MRTFB: variants seen among roughly 807,000 people sequenced by gnomAD.
The protein encoded by MRTFB is myocardin related transcription factor B.
A neutral mutation model predicts 104.2 loss-of-function variants in MRTFB; 29 were observed. The observed-to-expected ratio is 0.28, with a 90% CI of 0.21 to 0.38. The LOEUF is 0.38. Ranked by LOEUF, MRTFB falls within the 10% of genes least tolerant of loss-of-function variation. MRTFB has a pLI of 1.00. For missense variants in MRTFB, 1,270 were observed against 1,341.6 expected (o/e 0.95, Z 0.83); for synonymous variants, 535 against 519.5 (o/e 1.03, Z -0.41).
At chr16:14,186,805 G>T in intron 3 of MRTFB, 1 of 1,564,050 alleles carries the variant, frequency 6.4e-7, no homozygotes, top group East Asian at 2.3e-5. Context: ...GGTATTGTGG[G>T]GAGCAACCAG....
chr16:14,159,462 G>T (rs2038948410), intron 3 of MRTFB, among the ~76,000 whole-genome samples: 1 of 151,942 alleles, frequency 6.6e-6, no homozygotes, highest in African/African-American at 2.4e-5. Flanking sequence ...GATTATTATG[G>T]GAATTTATAT....
intron 2 of MRTFB, among the ~76,000 whole-genome samples, chr16:14,113,259 G>A (rs369875856): frequency 1.4e-4 from 22 of 152,320 alleles, no homozygotes; most frequent in African/African-American, 4.1e-4. Flanking sequence ...GGCCAGGCTG[G>A]TCTCAAACTC....
At chr16:14,196,964 C>CTTTTTT (rs35259229) in intron 3 of MRTFB, among the ~76,000 whole-genome samples, 175 of 103,130 alleles carry the variant, frequency 1.7e-3, no homozygotes, top group Middle Eastern at 7.2e-3. Context: ...TCTCTTTTTT[C>CTTTTTT]TTTTTTTTTT....
chr16:14,059,029 A>G, the MRTFB span, among the ~76,000 whole-genome samples: 1 of 151,852 alleles, frequency 6.6e-6, no homozygotes, highest in Non-Finnish European at 1.5e-5. Context: ...CCAAAGTAAT[A>G]CATATTTAAT....
chr16:14,030,028 C>T, the MRTFB span, among the ~76,000 whole-genome samples: 1 of 151,884 alleles, frequency 6.6e-6, no homozygotes, highest in Non-Finnish European at 1.5e-5. Flanking sequence ...TGAGAGCTGC[C>T]TGTGATCAGC....
the MRTFB span, among the ~76,000 whole-genome samples, chr16:14,023,663 G>A: frequency 7.3e-6 from 1 of 136,836 alleles, no homozygotes; most frequent in Non-Finnish European, 1.5e-5. Flanking sequence ...ATTTATGTGT[G>A]TGTGTGTGTG....
intron 3 of MRTFB, among the ~76,000 whole-genome samples, chr16:14,197,904 T>C (rs2040510734): frequency 6.6e-6 from 1 of 152,222 alleles, no homozygotes; most frequent in African/African-American, 2.4e-5. Context: ...AGTTTCATAA[T>C]GTCTGTTCTG....
At chr16:14,019,482 T>C in the MRTFB span, 2 of 152,204 alleles carry the variant, frequency 1.3e-5, no homozygotes, top group African/African-American at 4.8e-5. Context: ...CCAAGTCAGG[T>C]TGACACATAA....
At chr16:14,060,962 C>T in the MRTFB span, among the ~76,000 whole-genome samples, 21 of 152,024 alleles carry the variant, frequency 1.4e-4, no homozygotes, top group Non-Finnish European at 8.8e-5. Flanking sequence ...CTGGCTAACA[C>T]AGTGAAACCC....
At chr16:14,030,314 C>T in the MRTFB span, among the ~76,000 whole-genome samples, 1 of 152,204 alleles carries the variant, frequency 6.6e-6, no homozygotes, top group East Asian at 1.9e-4. Flanking sequence ...TGACTCCCGG[C>T]TCAGTGCTCT....
At chr16:14,154,712 A>T (rs2038764258) in intron 3 of MRTFB, among the ~76,000 whole-genome samples, 1 of 152,176 alleles carries the variant, frequency 6.6e-6, no homozygotes, top group African/African-American at 2.4e-5. Flanking sequence ...CCAGAGTTTC[A>T]TCTGAAGGTT....
At position 14,251,916 on chromosome 16, in the gene MRTFB, G is replaced by A. The variant is rs1031195761; in HGVS notation, c.2458G>A (p.Ala820Thr). 2.5e-6 allele frequency: 4 copies of A among 1,614,120 alleles called. No homozygotes were observed. Among genetic ancestry groups the A allele is most frequent in the South Asian group, 1.1e-5 (1 of 91,076 alleles). The change falls in exon 14 of 17, where the codon GCC becomes ACC. Residue 820 changes from alanine to threonine, a missense_variant. Ala to Thr is a moderately conservative substitution (Grantham distance 58). Around this residue, in one of 3 missense-constraint regions of MRTFB, gnomAD observed 1,144 missense variants for 1,131.5 expected, o/e 1.01. Transcript: ENST00000571589. ...NTVLPYQRHP[A>T]PAVQQPFINK... is the part of the protein sequence containing the mutation. Reference sequence around the variant, plus strand: ...AGTTCTTCCATATCAGAGACATCCTGCCCCAGCTGTCCAGCAGCCCTTTAT... The same window carrying A: ...AGTTCTTCCATATCAGAGACATCCTACCCCAGCTGTCCAGCAGCCCTTTAT...
At chr16:14,002,355 C>G in the MRTFB span, among the ~76,000 whole-genome samples, 1 of 151,738 alleles carries the variant, frequency 6.6e-6, no homozygotes, top group Admixed American at 6.6e-5. Context: ...TGCACTCCAG[C>G]CTGGGTGACA....
At position 14,177,628 on chromosome 16, in the gene MRTFB, C is replaced by G. The variant is rs1380285070; in HGVS notation, c.155-32615C>G. Among the ~76,000 whole-genome samples the G allele has an allele frequency of 6.6e-6, 1 of 151,678 alleles. No homozygotes were observed. The highest frequency in any genetic ancestry group is 1.5e-5 in the Non-Finnish European group (1 of 67,938). The stretch of plus-strand genomic sequence containing the variant: ...TTGCTTCAGCCCAGGAGTTCGAGAC[C>G]AGCCTGAGCAACATAGCAAGACCTC... On this transcript the variant is annotated intron_variant, in intron 3 of 16. Coordinates refer to ENST00000571589, the MANE Select transcript of MRTFB (RefSeq NM_001308142.2). This position sits in a 1 kb window ranked among gnomAD's most constrained non-coding sequence, Gnocchi z 4.7.
At position 14,236,873 on chromosome 16, in the gene MRTFB, A is replaced by T. The variant is rs180843434; in HGVS notation, c.831+2590A>T. Among the ~76,000 whole-genome samples, 671 of 152,334 alleles carry T rather than the reference A, an allele frequency of 4.4e-3. 3 individuals carry two copies. Among genetic ancestry groups the T allele is most frequent in the Admixed American group, 8.6e-3 (132 of 15,308 alleles). Reference sequence around the variant, plus strand: ...ACAGGTAAAATGCACAGCAGGAGACAGTGGCAGCTGGGGAGATAACAGAAG... The same window carrying T: ...ACAGGTAAAATGCACAGCAGGAGACTGTGGCAGCTGGGGAGATAACAGAAG... On this transcript the variant is annotated intron_variant, in intron 9 of 16. Transcript: ENST00000571589.
At chr16:14,204,195 C>G (rs1427503960) in intron 3 of MRTFB, among the ~76,000 whole-genome samples, 1 of 152,018 alleles carries the variant, frequency 6.6e-6, no homozygotes, top group Non-Finnish European at 1.5e-5. Context: ...AGGCTGTTCT[C>G]AAACTCCTGG....
chr16:14,186,065 TAAA>T (rs543531376), intron 3 of MRTFB, among the ~76,000 whole-genome samples: 1 of 152,046 alleles, frequency 6.6e-6, no homozygotes, highest in Non-Finnish European at 1.5e-5. Context: ...GAATTTTCCT[TAAA>T]AAAAATCATG....
At chr16:14,055,944 T>G in the MRTFB span, among the ~76,000 whole-genome samples, 1 of 152,156 alleles carries the variant, frequency 6.6e-6, no homozygotes, top group African/African-American at 2.4e-5. Flanking sequence ...GTGATTTTTT[T>G]TATTTCCCTC....
intron 2 of MRTFB, among the ~76,000 whole-genome samples, chr16:14,090,461 A>G (rs186709683): frequency 6.6e-6 from 1 of 152,336 alleles, no homozygotes; most frequent in Admixed American, 6.5e-5. Flanking sequence ...TCTAATACAT[A>G]CTGAGCACTT....
Sources: gnomAD v4.1 joint callset for allele counts (sites outside exome capture counted in the v4.1 genomes callset) on GRCh38, gnomAD v4.1.1 for gene constraint, gnomAD v4.1.1 regional missense constraint, Gnocchi (gnomAD v3.1) non-coding constraint, MANE v1.5 for transcripts, NCBI Gene and HGNC (gene_info 2026-07-23, HGNC 2026-07-21) for gene names.